UGGT2: variants seen among roughly 807,000 people sequenced by gnomAD.
The protein encoded by UGGT2 is UDP-glucose:glycoprotein glucosyltransferase 2.
Under a neutral mutation model 192.1 loss-of-function variants are expected in UGGT2, and 180 were observed. The ratio of observed to expected loss-of-function variants is 0.94; its 90% CI spans 0.83 to 1.06. The LOEUF (loss-of-function observed/expected upper bound fraction) is 1.06. Among genes scored for constraint, UGGT2 ranks in the 50% least tolerant of loss-of-function variants. The pLI, the probability that UGGT2 is intolerant of heterozygous loss-of-function variation, is 0.00. For synonymous variants in UGGT2, 580 were observed against 591.0 expected (o/e 0.98, Z 0.27); for missense variants, 1,849 against 1,795.7 (o/e 1.03, Z -0.54).
At chr13:95,962,547 G>C (rs887270261) in intron 12 of UGGT2, among the ~76,000 whole-genome samples, 1 of 152,084 alleles carries the variant, frequency 6.6e-6, no homozygotes, top group Non-Finnish European at 1.5e-5. Flanking sequence ...GATTCAATCA[G>C]TAATAAAAAG....
At chr13:95,969,842 T>C (rs1319210628) in intron 12 of UGGT2, among the ~76,000 whole-genome samples, 1 of 152,246 alleles carries the variant, frequency 6.6e-6, no homozygotes, top group Non-Finnish European at 1.5e-5. Context: ...TTGTTGTTAT[T>C]GTTCATGTGG....
intron 15 of UGGT2, among the ~76,000 whole-genome samples, chr13:95,942,061 T>C (rs567151453): frequency 2.0e-5 from 3 of 152,350 alleles, no homozygotes; most frequent in East Asian, 3.9e-4. Context: ...TCTATGCTCT[T>C]GCATATGATA....
In UGGT2 at chr13:95,949,250, G is replaced by A. The variant is rs150758709; in HGVS notation, c.1455+85C>T. The A allele has an allele frequency of 6.5e-6, 8 of 1,235,788 alleles. No individual in the cohort carries two copies. The African/African-American group carries it at 1.2e-4, about 19-fold the overall frequency. 76.6% of individuals were successfully genotyped at this position (1,235,788 alleles called of 1,614,324 possible). A position where few individuals can be genotyped will look rare whatever the true frequency, so the allele number is the denominator to read the frequency against. On this transcript the variant is annotated intron_variant, in intron 13 of 38. Transcript: ENST00000376747. ...TACTTAACTTCCTTACAACTCAGAT[G>A]CCTATTCATTGACAGAAGGATAATC... is the stretch of plus-strand genomic sequence containing the variant.
At chr13:96,030,629 T>G (rs890500585) in intron 2 of UGGT2, among the ~76,000 whole-genome samples, 1 of 152,170 alleles carries the variant, frequency 6.6e-6, no homozygotes, top group Non-Finnish European at 1.5e-5. Context: ...TATCTTACAT[T>G]TACACTCAGG....
chr13:96,005,572 A>C (rs1490141015), intron 5 of UGGT2, among the ~76,000 whole-genome samples: 3 of 152,224 alleles, frequency 2.0e-5, no homozygotes, highest in Non-Finnish European at 4.4e-5. Flanking sequence ...TACTGGTGGA[A>C]GCCCACTGAA....
intron 29 of UGGT2, among the ~76,000 whole-genome samples, chr13:95,868,868 T>C (rs1890931778): frequency 6.6e-6 from 1 of 151,996 alleles, no homozygotes; most frequent in Admixed American, 6.6e-5. Flanking sequence ...GAGCTCTCAT[T>C]TTACTTCAGG....
At chr13:95,864,858 G>A (rs758976653) in intron 30 of UGGT2, among the ~76,000 whole-genome samples, 12 of 152,102 alleles carry the variant, frequency 7.9e-5, no homozygotes, top group Admixed American at 7.9e-4. Context: ...CTCCAAGAAA[G>A]GGTATGAAAA....
At chr13:95,948,802 T>C (rs1189175244) in intron 13 of UGGT2, among the ~76,000 whole-genome samples, 1 of 152,222 alleles carries the variant, frequency 6.6e-6, no homozygotes, top group African/African-American at 2.4e-5. Flanking sequence ...ATGTGACTAA[T>C]ATGGTTTGGC....
At chr13:95,937,351 G>A (rs1267001059) in intron 16 of UGGT2, among the ~76,000 whole-genome samples, 1 of 152,206 alleles carries the variant, frequency 6.6e-6, no homozygotes, top group Admixed American at 6.5e-5. Flanking sequence ...CTCCACTCTC[G>A]TTACAGCACA....
intron 4 of UGGT2, among the ~76,000 whole-genome samples, chr13:96,014,973 A>C (rs1028464080): frequency 2.0e-5 from 3 of 152,138 alleles, no homozygotes; most frequent in African/African-American, 7.2e-5. Flanking sequence ...CAAAGAATTT[A>C]CTACTGTTGA....
At chr13:95,904,756 A>G (rs1400681073) in intron 20 of UGGT2, among the ~76,000 whole-genome samples, 2 of 152,092 alleles carry the variant, frequency 1.3e-5, no homozygotes, top group African/African-American at 2.4e-5. Flanking sequence ...CAATAAACAT[A>G]TGTGTGCATG....
At chr13:95,897,383 A>T (rs2140266293) in intron 22 of UGGT2, among the ~76,000 whole-genome samples, 1 of 152,298 alleles carries the variant, frequency 6.6e-6, no homozygotes, top group South Asian at 2.1e-4. Flanking sequence ...AGTGTAATAC[A>T]AATAAATATT....
chr13:95,979,749 C>T (rs1028382800), intron 10 of UGGT2, among the ~76,000 whole-genome samples: 9 of 151,666 alleles, frequency 5.9e-5, no homozygotes, highest in Non-Finnish European at 1.0e-4. Context: ...ACAATCTACA[C>T]ATCCGAAAAA....
intron 22 of UGGT2, among the ~76,000 whole-genome samples, chr13:95,898,580 C>G (rs897177708): frequency 3.3e-5 from 5 of 152,066 alleles, no homozygotes; most frequent in Non-Finnish European, 5.9e-5. Context: ...TGTCTTTGTC[C>G]TCTCCAAAAT....
In UGGT2 at chr13:95,837,320, G is replaced by A. The variant is rs1887403692; in HGVS notation, c.4285-118C>T. 3 of 714,732 alleles carry A rather than the reference G, an allele frequency of 4.2e-6. No individual in the cohort carries two copies. In the East Asian group the frequency reaches 7.7e-5, roughly 18 times the overall value. 44.3% of individuals were successfully genotyped at this position (714,732 alleles called of 1,614,324 possible). A position where few individuals can be genotyped will look rare whatever the true frequency, so the allele number is the denominator to read the frequency against. On this transcript the variant is annotated intron_variant, in intron 36 of 38. Transcript: ENST00000376747. ...CAGATCATAAAACATATGCAAATCT[G>A]AGATTTCTCTACACTTTAAAGCTTA...
intron 37 of UGGT2, 92 bp from the exon 38 acceptor site, chr13:95,833,145 T>G (rs1467382039): frequency 8.4e-6 from 12 of 1,427,684 alleles, no homozygotes. Flanking sequence ...AAATACATTT[T>G]ATAAAAAGCA....
chr13:96,019,129 G>C lies in UGGT2; in HGVS notation c.485+3911C>G, dbSNP rs543302684. 1.3e-3 allele frequency among the ~76,000 whole-genome samples: 170 copies of C among 133,534 alleles called. 6 individuals are homozygous for C. Among genetic ancestry groups the C allele is most frequent in the African/African-American group, 3.3e-3 (117 of 35,972 alleles). 87.6% of individuals were successfully genotyped at this position (133,534 alleles called of 152,430 possible). Reference sequence around the variant, plus strand: ...TAACTTTGCCCTACATAGCGGGGGGGGGGGGGGGGAATGTTTCTGTCAGGC... The same window carrying C: ...TAACTTTGCCCTACATAGCGGGGGGCGGGGGGGGGAATGTTTCTGTCAGGC... On this transcript the variant is annotated intron_variant, in intron 4 of 38. Coordinates refer to ENST00000376747, the MANE Select transcript of UGGT2 (RefSeq NM_020121.4).
At chr13:96,038,087 G>A (rs1291212454) in intron 1 of UGGT2, among the ~76,000 whole-genome samples, 2 of 152,216 alleles carry the variant, frequency 1.3e-5, no homozygotes, top group African/African-American at 4.8e-5. Context: ...AGGTAACACT[G>A]AGCATCCTCT....
At chr13:95,985,409 A>C (rs1480694251) in intron 9 of UGGT2, 1 of 425,234 alleles carries the variant, frequency 2.4e-6, no homozygotes, top group African/African-American at 2.1e-5. Flanking sequence ...GTAGCCAACC[A>C]TGTACTATTT....
Sources: allele counts gnomAD v4.1 joint callset (sites outside exome capture counted in the v4.1 genomes callset), GRCh38; gene constraint gnomAD v4.1.1; transcripts MANE v1.5; gene names NCBI Gene and HGNC (gene_info 2026-07-23, HGNC 2026-07-21).